KIAA0753: variants seen among roughly 807,000 people sequenced by gnomAD.
The protein encoded by KIAA0753 is protein moonraker.
In KIAA0753, 114 loss-of-function variants were observed where a neutral mutation model predicts 116.9. The observed-to-expected ratio is 0.98, with a 90% CI of 0.84 to 1.14. The LOEUF (loss-of-function observed/expected upper bound fraction) is 1.14. KIAA0753 is among the 50% of genes most tolerant of loss of function. KIAA0753 has a pLI of 0.00. For missense variants in KIAA0753, 1,156 were observed against 1,172.4 expected (o/e 0.99, Z 0.20); for synonymous variants, 405 against 413.1 (o/e 0.98, Z 0.24).
At chr17:6,614,307 C>T (rs1490880297) in intron 7 of KIAA0753, among the ~76,000 whole-genome samples, 2 of 152,074 alleles carry the variant, frequency 1.3e-5, no homozygotes, top group Non-Finnish European at 2.9e-5. Context: ...CAGAGGAAGC[C>T]AGGAACACAG....
intron 13 of KIAA0753, among the ~76,000 whole-genome samples, chr17:6,599,978 AT>A (rs1969748255): frequency 6.6e-6 from 1 of 152,164 alleles, no homozygotes; most frequent in Non-Finnish European, 1.5e-5. Context: ...AAAGTACTGG[AT>A]TGTGCACAGA....
chr17:6,582,198 A>C (rs1384943179), intron 18 of KIAA0753, among the ~76,000 whole-genome samples: 1 of 152,252 alleles, frequency 6.6e-6, no homozygotes, highest in East Asian at 1.9e-4. Flanking sequence ...TTCAACTGTT[A>C]ACCCATGTCA....
At chr17:6,610,210 T>A in intron 8 of KIAA0753, 50 bp from the exon 9 acceptor site, 5 of 1,595,818 alleles carry the variant, frequency 3.1e-6, no homozygotes, top group Non-Finnish European at 4.3e-6. Flanking sequence ...CCAAAGAAAC[T>A]ATGGTTTAAC....
intron 18 of KIAA0753, among the ~76,000 whole-genome samples, chr17:6,585,977 T>C (rs1968545122): frequency 6.6e-6 from 1 of 152,224 alleles, no homozygotes; most frequent in Admixed American, 6.5e-5. Context: ...TCAAATCTCA[T>C]GATGAACTGT....
At chr17:6,638,904 A>T (rs1972495106) in intron 1 of KIAA0753, 1 of 153,338 alleles carries the variant, frequency 6.5e-6, no homozygotes, top group African/African-American at 2.4e-5. Flanking sequence ...GGGCACCCCC[A>T]GAACCTGCTG....
At chr17:6,625,711 A>G (rs1475321946) in intron 3 of KIAA0753, among the ~76,000 whole-genome samples, 1 of 152,088 alleles carries the variant, frequency 6.6e-6, no homozygotes, top group African/African-American at 2.4e-5. Flanking sequence ...TTAAGATAGC[A>G]TCTTATTGTA....
rs751067090 is a variant in KIAA0753, at chr17:6,590,573, G to A, written c.2498C>T (p.Thr833Met). 13 of 1,613,898 alleles carry A rather than the reference G, an allele frequency of 8.1e-6. No homozygotes were observed. Among genetic ancestry groups the A allele is most frequent in the South Asian group, 5.5e-5 (5 of 91,086 alleles). The change falls in exon 17 of 19, where the codon ACG becomes ATG. Residue 833 changes from threonine (T) to methionine (M), a missense_variant. By Grantham distance (81) the Thr-to-Met change is moderately conservative. Transcript: ENST00000361413. The part of the protein sequence containing the change: ...KPLSPHPIRI[T>M]KTVDRKDPAV... ...TGGATCCTTGCGATCCACTGTCTTC[G>A]TGATTCTGATTGGATGAGGAGATAG...
intron 12 of KIAA0753, chr17:6,600,928 G>A (rs1349379836): frequency 6.3e-6 from 1 of 159,498 alleles, no homozygotes; most frequent in Non-Finnish European, 1.4e-5. Flanking sequence ...GGACAAAAGT[G>A]ATAACTAACT....
chr17:6,580,654 T>C (rs1448872668), intron 18 of KIAA0753, among the ~76,000 whole-genome samples: 1 of 152,134 alleles, frequency 6.6e-6, no homozygotes, highest in African/African-American at 2.4e-5. Context: ...TGAGAGGCCC[T>C]GCTCTCCTAG....
At chr17:6,579,892 T>A (rs768310374) in intron 18 of KIAA0753, 28 bp from the exon 19 acceptor site, 56 of 1,569,138 alleles carry the variant, frequency 3.6e-5, no homozygotes, top group Non-Finnish European at 4.7e-5. Context: ...CAACTAAAGG[T>A]ATGTACAAGG....
chr17:6,610,119 G>A lies in KIAA0753; in HGVS notation c.1587C>T (p.His529=), dbSNP rs1229508847. ...KAERGRQSQP[H]SKSRVQQTTV... is the part of the protein sequence containing the mutation. ...TTGTCTGCTGCACTCTGCTTTTACT[G>A]TGAGGTTGGCTTTGTCTACCTCTTT... The change falls in exon 9 of 19, where the codon CAC becomes CAT. Residue 529 remains histidine (H), a synonymous_variant. Transcript: ENST00000361413. 2 of 1,614,096 alleles carry A rather than the reference G, an allele frequency of 1.2e-6. No individual in the cohort carries two copies. Among genetic ancestry groups the A allele is most frequent in the Middle Eastern group, 1.6e-4 (1 of 6,062 alleles).
chr17:6,616,527 A>T (rs1970946761), intron 7 of KIAA0753, among the ~76,000 whole-genome samples: 1 of 152,208 alleles, frequency 6.6e-6, no homozygotes, highest in Non-Finnish European at 1.5e-5. Context: ...TTTACAGATA[A>T]AAAACTTAAG....
chr17:6,586,758 C>T (rs1339521144), intron 18 of KIAA0753, among the ~76,000 whole-genome samples: 10 of 152,184 alleles, frequency 6.6e-5, no homozygotes. Context: ...CAGTTTATAT[C>T]ACCTGCTCAA....
At chr17:6,587,996 T>C (rs534650900) in intron 18 of KIAA0753, among the ~76,000 whole-genome samples, 1 of 152,162 alleles carries the variant, frequency 6.6e-6, no homozygotes, top group South Asian at 2.1e-4. Flanking sequence ...AGCTGATTTG[T>C]CCTATAAAAC....
chr17:6,622,535 T>C (rs1242557402), intron 6 of KIAA0753, among the ~76,000 whole-genome samples: 1 of 152,258 alleles, frequency 6.6e-6, no homozygotes, highest in African/African-American at 2.4e-5. Context: ...AACACTGATA[T>C]TCTAATCTAA....
At chr17:6,608,498 A>G (rs373479352) in intron 9 of KIAA0753, 34 bp from the exon 10 acceptor site, 69 of 1,242,708 alleles carry the variant, frequency 5.6e-5, no homozygotes, top group Non-Finnish European at 7.7e-5. Flanking sequence ...CTTTGTCATC[A>G]TTCACTCCGT....
At chr17:6,598,777 T>A (rs2150783570) in intron 14 of KIAA0753, among the ~76,000 whole-genome samples, 1 of 152,330 alleles carries the variant, frequency 6.6e-6, no homozygotes, top group East Asian at 1.9e-4. Flanking sequence ...CTGGGTCACC[T>A]TTTTCTCTCT....
intron 16 of KIAA0753, among the ~76,000 whole-genome samples, chr17:6,591,056 GAAGAAGAAGAAGAAGAAGAA>G (rs1969001257): frequency 4.8e-4 from 44 of 92,550 alleles, no homozygotes; most frequent in African/African-American, 1.7e-3. Context: ...AGAAGAAGAA[GAAGAAGAAGAAGAAGAAGAA>G]GAAGAAGAAG....
In KIAA0753 at chr17:6,594,688, GA is replaced by G. The variant is rs561711081; in HGVS notation, c.2440+283del. ...TTTTATTATCTGTAAATTTTATCTT[GA>G]AAAAAAGAGCCATAAGTAAATATTA... On this transcript the variant is annotated intron_variant, in intron 16 of 18. Transcript: ENST00000361413. Among the ~76,000 whole-genome samples, 801 of 151,990 alleles carry G rather than the reference GA, an allele frequency of 5.3e-3. 4 individuals carry two copies. Among genetic ancestry groups the G allele is most frequent in the Non-Finnish European group, 9.8e-3 (668 of 67,944 alleles).
Sources: gnomAD v4.1 joint callset for allele counts (sites outside exome capture counted in the v4.1 genomes callset) on GRCh38, gnomAD v4.1.1 for gene constraint, MANE v1.5 for transcripts, NCBI Gene and HGNC (gene_info 2026-07-23, HGNC 2026-07-21) for gene names.